The following MPZL1 variants were observed in gnomAD, a reference collection of about 807,000 sequenced individuals.
MPZL1 encodes myelin protein zero-like protein 1.
MPZL1 carries 16 observed loss-of-function variants against 29.3 expected under a neutral mutation model. The observed-to-expected ratio is 0.55, with a 90% CI of 0.37 to 0.83. The LOEUF is 0.83. MPZL1 is among the 40% of genes least tolerant of loss of function. MPZL1 has a pLI of 0.00. For missense variants in MPZL1, 279 were observed against 332.9 expected (o/e 0.84, Z 1.26); for synonymous variants, 143 against 132.0 (o/e 1.08, Z -0.57).
intron 1 of MPZL1, among the ~76,000 whole-genome samples, chr1:167,731,499 C>T (rs919673199): frequency 6.8e-6 from 1 of 146,758 alleles, no homozygotes; most frequent in African/African-American, 2.6e-5. Context: ...TGCAGTGGCG[C>T]GATCTCGGCT....
intron 1 of MPZL1, among the ~76,000 whole-genome samples, chr1:167,735,196 T>C (rs1660351944): frequency 6.6e-6 from 1 of 152,202 alleles, no homozygotes; most frequent in Non-Finnish European, 1.5e-5. Context: ...CTCATTATAC[T>C]CATTAGTTTG....
chr1:167,759,948 G>C (rs7548925), intron 1 of MPZL1, among the ~76,000 whole-genome samples: 3,047 of 152,242 alleles, frequency 0.02, 107 homozygotes, highest in African/African-American at 0.068. Context: ...TTGAGGACTG[G>C]CCTGATCTGG....
rs144433055 is a variant in MPZL1, at chr1:167,746,377, G to A, written c.92-19206G>A. Among the ~76,000 whole-genome samples the A allele has an allele frequency of 4.5e-3, 687 of 151,176 alleles. 11 individuals are homozygous for A. Among genetic ancestry groups the A allele is most frequent in the South Asian group, 0.012 (57 of 4,822 alleles). On this transcript the variant is annotated intron_variant, in intron 1 of 5. Transcript: ENST00000359523. Reference sequence around the variant, plus strand: ...CTTTGAAAGGCTCTGTGTGCCGTGCGAGGGAGTTGAGGCTGTCTTGGCATG... The same window carrying A: ...CTTTGAAAGGCTCTGTGTGCCGTGCAAGGGAGTTGAGGCTGTCTTGGCATG...
chr1:167,770,925 G>C (rs1294551886), intron 2 of MPZL1, among the ~76,000 whole-genome samples: 1 of 152,064 alleles, frequency 6.6e-6, no homozygotes, highest in African/African-American at 2.4e-5. Context: ...AACCTGGCAG[G>C]GTTGAGTGCC....
intron 1 of MPZL1, among the ~76,000 whole-genome samples, chr1:167,742,461 A>G (rs1036158837): frequency 2.0e-5 from 3 of 152,220 alleles, no homozygotes; most frequent in African/African-American, 4.8e-5. Context: ...TTTAAAATAA[A>G]TATATATGGA....
chr1:167,765,737 C>T lies in MPZL1; in HGVS notation c.246C>T (p.Asp82=), dbSNP rs1420614573. 1 of 1,610,432 alleles carries T rather than the reference C, an allele frequency of 6.2e-7. No individual in the cohort carries two copies. Among genetic ancestry groups the T allele is most frequent in the East Asian group, 2.2e-5 (1 of 44,738 alleles). The change falls in exon 2 of 6, where the codon GAC becomes GAT. Residue 82 remains aspartate, a synonymous_variant. Coordinates refer to ENST00000359523, the MANE Select transcript of MPZL1 (RefSeq NM_003953.6). ...GGAGCTTCCAGCCAGAGGGGGCCGA[C>T]ACTACTGTGTCGGTAAGAATGCTTG... ...VSWSFQPEGA[D]TTVSFFHYSQ... is the part of the protein sequence containing the mutation.
intron 1 of MPZL1, among the ~76,000 whole-genome samples, chr1:167,739,282 C>CATATATATATATATATAT (rs71959233): frequency 1.8e-3 from 161 of 90,296 alleles, no homozygotes; most frequent in African/African-American, 6.0e-3. Context: ...TACATATATA[C>CATATATATATATATATAT]ATATATATAT....
chr1:167,787,378 A>G (rs753927874), intron 5 of MPZL1: 41 of 154,646 alleles, frequency 2.7e-4, no homozygotes, highest in Non-Finnish European at 4.4e-4. Flanking sequence ...GGTGGCACCA[A>G]ATATGTTGGT....
At chr1:167,749,724 A>G (rs1285987228) in intron 1 of MPZL1, among the ~76,000 whole-genome samples, 3 of 152,222 alleles carry the variant, frequency 2.0e-5, no homozygotes, top group South Asian at 2.1e-4. Context: ...GATACCTTCA[A>G]TAAGTTACTT....
chr1:167,726,308 T>C (rs1022644311), intron 1 of MPZL1, among the ~76,000 whole-genome samples: 2 of 152,246 alleles, frequency 1.3e-5, no homozygotes, highest in Non-Finnish European at 2.9e-5. Flanking sequence ...GGTACTTACC[T>C]GTTACTATTT....
At chr1:167,735,064 A>T (rs1449116546) in intron 1 of MPZL1, among the ~76,000 whole-genome samples, 1 of 152,184 alleles carries the variant, frequency 6.6e-6, no homozygotes, top group Non-Finnish European at 1.5e-5. Context: ...AGAGATAAGG[A>T]TATCTTTCAG....
chr1:167,779,632 T>C (rs926134094), intron 5 of MPZL1, among the ~76,000 whole-genome samples: 1 of 152,108 alleles, frequency 6.6e-6, no homozygotes, highest in African/African-American at 2.4e-5. Context: ...GACAGCATTT[T>C]ATGAGGCTAT....
At chr1:167,782,372 A>G (rs577595021) in intron 5 of MPZL1, among the ~76,000 whole-genome samples, 3 of 152,156 alleles carry the variant, frequency 2.0e-5, no homozygotes, top group East Asian at 1.9e-4. Context: ...TTTTGTTTCT[A>G]TATTTCTTGC....
chr1:167,723,677 G>A (rs757686634), intron 1 of MPZL1, among the ~76,000 whole-genome samples: 5 of 152,164 alleles, frequency 3.3e-5, no homozygotes, highest in Non-Finnish European at 7.3e-5. Flanking sequence ...AACGTAGAAG[G>A]AGTGCAAAAC....
At chr1:167,760,838 A>C (rs545370031) in intron 1 of MPZL1, among the ~76,000 whole-genome samples, 24 of 151,548 alleles carry the variant, frequency 1.6e-4, no homozygotes, top group African/African-American at 5.3e-4. Context: ...TCACCAAGAG[A>C]AGGAATGTTA....
chr1:167,757,087 C>G (rs978049422), intron 1 of MPZL1, among the ~76,000 whole-genome samples: 5 of 152,212 alleles, frequency 3.3e-5, no homozygotes, highest in African/African-American at 1.2e-4. Flanking sequence ...CCTTCCCCTA[C>G]TTTGTGCCAT....
intron 1 of MPZL1, 51 bp downstream of exon 1, chr1:167,722,293 C>A: frequency 8.1e-7 from 1 of 1,232,694 alleles, no homozygotes; most frequent in African/African-American, 1.6e-5. Flanking sequence ...GCCCCCGGGC[C>A]CGACACACGC....
rs373452737 is a variant in MPZL1 at position 167,773,193 on chromosome 1, C to G, written c.473-43C>G. On this transcript the variant is annotated intron_variant, in intron 3 of 5. Transcript: ENST00000359523. ...TTTAATAAAATTCCATGTTTTCTCTCTGTAGCAATGTACCTTAAAACTATT... is the reference window on the plus strand; with the variant it reads ...TTTAATAAAATTCCATGTTTTCTCTGTGTAGCAATGTACCTTAAAACTATT... The G allele has an allele frequency of 1.4e-4, 223 of 1,581,788 alleles. No individual in the cohort carries two copies. In the African/African-American group the frequency reaches 2.9e-3, roughly 21 times the overall value.
intron 1 of MPZL1, among the ~76,000 whole-genome samples, chr1:167,750,470 G>C (rs58447612): frequency 1.4e-3 from 210 of 152,186 alleles, no homozygotes; most frequent in African/African-American, 4.5e-3. Flanking sequence ...CCAAAATGCT[G>C]GGATTAAAGG....
Sources: allele counts gnomAD v4.1 joint callset (sites outside exome capture counted in the v4.1 genomes callset), GRCh38; gene constraint gnomAD v4.1.1; transcripts MANE v1.5; gene names NCBI Gene and HGNC (gene_info 2026-07-23, HGNC 2026-07-21).